Variants in DPF3 observed in about 807,000 individuals in gnomAD.
DPF3 encodes the protein double PHD fingers 3.
In DPF3, 18 loss-of-function variants were observed where a neutral mutation model predicts 56.8. The ratio of observed to expected loss-of-function variants is 0.32; its 90% CI spans 0.22 to 0.47. DPF3 has a LOEUF of 0.47. DPF3 is among the 20% of genes least tolerant of loss of function. The pLI is 1.00. For missense variants in DPF3, 403 were observed against 488.8 expected, an observed-to-expected ratio of 0.82 and a Z score of 1.65; for synonymous variants, 188 against 180.2, an observed-to-expected ratio of 1.04 and a Z score of -0.35.
At chr14:72,859,192 T>C (rs1456087914) in intron 1 of DPF3, among the ~76,000 whole-genome samples, 3 of 152,190 alleles carry the variant, frequency 2.0e-5, no homozygotes, top group Non-Finnish European at 4.4e-5. Context: ...AGGCTATAGA[T>C]GAGACAACGC....
chr14:72,784,595 G>A lies in DPF3; in HGVS notation c.33-12702C>T, dbSNP rs146476258. Among the ~76,000 whole-genome samples the A allele has an allele frequency of 8.1e-4, 123 of 151,706 alleles. 3 individuals are homozygous for A. In the South Asian group the frequency reaches 0.022, roughly 27 times the overall value. On this transcript the variant is annotated intron_variant, in intron 1 of 10. Transcript: ENST00000556509. ...CCTCTACCATCTTCTTTCCCAATTC[G>A]TCCACCTCATCAAGAGTCATTTATC...
intron 1 of DPF3, among the ~76,000 whole-genome samples, chr14:72,797,492 A>G (rs1284700087): frequency 1.3e-5 from 2 of 152,248 alleles, no homozygotes; most frequent in East Asian, 3.8e-4. Context: ...ATAGTTACAC[A>G]GTAAACGCTT....
intron 1 of DPF3, among the ~76,000 whole-genome samples, chr14:72,829,373 T>G (rs1883953938): frequency 6.6e-6 from 1 of 152,216 alleles, no homozygotes; most frequent in African/African-American, 2.4e-5. Context: ...TTTGCCTTCT[T>G]TAATCCCTAA....
intron 8 of DPF3, among the ~76,000 whole-genome samples, chr14:72,640,082 G>GAAAAAAAAAAAA (rs1885509419): frequency 1.6e-5 from 1 of 61,086 alleles, no homozygotes. Context: ...AAAAAAAAAT[G>GAAAAAAAAAAAA]GAAACAGCAT....
At chr14:72,751,151 C>T (rs775376776) in intron 3 of DPF3, among the ~76,000 whole-genome samples, 1 of 152,112 alleles carries the variant, frequency 6.6e-6, no homozygotes, top group Non-Finnish European at 1.5e-5. Context: ...ATTGCAACTA[C>T]TGCACACCAG....
intron 1 of DPF3, among the ~76,000 whole-genome samples, chr14:72,793,420 C>A (rs978134562): frequency 6.6e-6 from 1 of 152,106 alleles, no homozygotes; most frequent in Admixed American, 6.5e-5. Flanking sequence ...AAAAGCAAGA[C>A]GTAAAAGAAA....
At chr14:72,705,041 G>T (rs549023888) in intron 6 of DPF3, among the ~76,000 whole-genome samples, 1 of 152,086 alleles carries the variant, frequency 6.6e-6, no homozygotes, top group Non-Finnish European at 1.5e-5. Context: ...GACCATGCAG[G>T]CCAACCTCTA....
chr14:72,778,433 A>T (rs1457883675), intron 1 of DPF3, among the ~76,000 whole-genome samples: 3 of 152,200 alleles, frequency 2.0e-5, no homozygotes, highest in African/African-American at 7.2e-5. Context: ...GTCTCCCATC[A>T]ACCCCAGATG....
intron 1 of DPF3, among the ~76,000 whole-genome samples, chr14:72,791,151 T>C (rs1310406781): frequency 6.6e-6 from 1 of 152,148 alleles, no homozygotes; most frequent in African/African-American, 2.4e-5. Context: ...AGCCCTAGGC[T>C]GCTGCACTAG....
At chr14:72,808,009 G>GCCCT (rs1882865231) in intron 1 of DPF3, among the ~76,000 whole-genome samples, 3 of 152,056 alleles carry the variant, frequency 2.0e-5, no homozygotes, top group Admixed American at 1.3e-4. Flanking sequence ...AGAAACAAAT[G>GCCCT]CCCTCCCTCC....
In DPF3 at chr14:72,756,928, AAGAAG is replaced by A. The variant is rs1555504030; in HGVS notation, c.194-3562_194-3558del. 1.7e-4 allele frequency among the ~76,000 whole-genome samples: 24 copies of A among 139,168 alleles called. No individual in the cohort carries two copies. The East Asian group carries it at 3.6e-3, about 21-fold the overall frequency. The allele number at this position is 139,168 out of a possible 152,430, so 91.3% of individuals were successfully genotyped here. On this transcript the variant is annotated intron_variant, in intron 2 of 10. Coordinates refer to ENST00000556509, the MANE Select transcript of DPF3 (RefSeq NM_001280542.3). ...AAAAAAAGAAAGAAAGAAAGAAAGA[AAGAAG>A]AGAAGAGAAGAGAAAGGGAGAGGGA...
intron 1 of DPF3, among the ~76,000 whole-genome samples, chr14:72,873,822 G>T (rs1291569706): frequency 6.6e-6 from 1 of 150,590 alleles, no homozygotes. Context: ...CTATCACAAG[G>T]ACAAAAAACC....
intron 1 of DPF3, among the ~76,000 whole-genome samples, chr14:72,849,911 A>G (rs949594987): frequency 2.6e-5 from 4 of 152,300 alleles, no homozygotes; most frequent in African/African-American, 9.6e-5. Flanking sequence ...TGAGGTCAGG[A>G]GTTCAAGACC....
chr14:72,645,001 C>G (rs1437356510), intron 8 of DPF3, among the ~76,000 whole-genome samples: 1 of 152,218 alleles, frequency 6.6e-6, no homozygotes, highest in Non-Finnish European at 1.5e-5. Context: ...GCACAGCACT[C>G]CAAGTGGCTG....
At chr14:72,811,782 G>C (rs979129535) in intron 1 of DPF3, among the ~76,000 whole-genome samples, 79 of 152,204 alleles carry the variant, frequency 5.2e-4, no homozygotes, top group Non-Finnish European at 1.3e-4. Context: ...CACATATATT[G>C]TCTCTTGTAG....
intron 1 of DPF3, among the ~76,000 whole-genome samples, chr14:72,891,128 TC>T (rs1256587759): frequency 6.6e-6 from 1 of 152,150 alleles, no homozygotes; most frequent in African/African-American, 2.4e-5. Flanking sequence ...TTATTGAATG[TC>T]CCACGTGGAA....
At chr14:72,703,897 T>C (rs1888292618) in intron 6 of DPF3, among the ~76,000 whole-genome samples, 1 of 152,240 alleles carries the variant, frequency 6.6e-6, no homozygotes, top group Non-Finnish European at 1.5e-5. Flanking sequence ...GGCCCCAGCT[T>C]AGGTGTTAAA....
intron 1 of DPF3, among the ~76,000 whole-genome samples, chr14:72,851,331 G>A (rs368702151): frequency 9.2e-5 from 14 of 152,258 alleles, no homozygotes; most frequent in African/African-American, 3.4e-4. Flanking sequence ...TGTTTGCTCT[G>A]TCCTCAAAAC....
At chr14:72,658,663 G>A (rs1044705939) in intron 8 of DPF3, among the ~76,000 whole-genome samples, 1 of 152,190 alleles carries the variant, frequency 6.6e-6, no homozygotes, top group African/African-American at 2.4e-5. Context: ...TCCCTAACAT[G>A]TGCTGAATAA....
Sources: allele counts gnomAD v4.1 joint callset (sites outside exome capture counted in the v4.1 genomes callset), GRCh38; gene constraint gnomAD v4.1.1; transcripts MANE v1.5; gene names NCBI Gene and HGNC (gene_info 2026-07-23, HGNC 2026-07-21).